PRR5L: variants seen among roughly 807,000 people sequenced by gnomAD.
PRR5L encodes the protein proline rich 5 like.
In PRR5L, 21 loss-of-function variants were observed where a neutral mutation model predicts 36.4. That is an observed-to-expected ratio of 0.58 (90% CI 0.41 to 0.83). PRR5L has a LOEUF of 0.83. PRR5L is among the 40% of genes least tolerant of loss of function. The pLI is 0.00. For synonymous variants in PRR5L, 188 were observed against 197.0 expected (o/e 0.95, Z 0.38); for missense variants, 381 against 473.3 (o/e 0.80, Z 1.81).
chr11:36,363,768 C>T (rs563434713), intron 1 of PRR5L, among the ~76,000 whole-genome samples: 33 of 152,302 alleles, frequency 2.2e-4, no homozygotes, highest in African/African-American at 6.5e-4. Flanking sequence ...ACAGCTGGGC[C>T]AGAGGAAAAT....
At chr11:36,379,176 A>G (rs1392569873) in intron 1 of PRR5L, among the ~76,000 whole-genome samples, 1 of 152,226 alleles carries the variant, frequency 6.6e-6, no homozygotes, top group Non-Finnish European at 1.5e-5. Flanking sequence ...GACTTAATGT[A>G]TCTTCAGCAT....
chr11:36,351,104 T>C (rs1856935927), intron 1 of PRR5L, among the ~76,000 whole-genome samples: 1 of 108,826 alleles, frequency 9.2e-6, no homozygotes, highest in Non-Finnish European at 1.7e-5. Context: ...TATATATAAA[T>C]ATATATTTAT....
At position 36,446,314 on chromosome 11, in the gene PRR5L, T is replaced by A. The variant is rs1249997687; in HGVS notation, c.459T>A (p.Thr153=). 1 of 1,613,832 alleles carries A rather than the reference T, an allele frequency of 6.2e-7. No homozygotes were observed. Among genetic ancestry groups the A allele is most frequent in the Non-Finnish European group, 8.5e-7 (1 of 1,180,042 alleles). The change falls in exon 7 of 9, where the codon ACT becomes ACA. Residue 153 remains threonine (T), a synonymous_variant. Coordinates refer to ENST00000530639, the MANE Select transcript of PRR5L (RefSeq NM_001160167.2). The part of the protein sequence containing the change: ...IFYPVQGQEL[T]IRQISLLGFR... ...GTCCCCTCTAGGGCCAGGAGCTGAC[T>A]ATCCGCCAGATCTCCCTGCTGGGCT...
intron 1 of PRR5L, among the ~76,000 whole-genome samples, chr11:36,343,959 G>A (rs1454963472): frequency 6.6e-6 from 1 of 151,578 alleles, no homozygotes; most frequent in African/African-American, 2.4e-5. Flanking sequence ...GCTCACGCCT[G>A]TAATTCGAGC....
At position 36,377,551 on chromosome 11, in the gene PRR5L, GA is replaced by G. The variant is rs559936811; in HGVS notation, c.-125-23445del. 1.3e-5 allele frequency: 2 copies of G among 152,682 alleles called. No homozygotes were observed. The highest frequency in any genetic ancestry group is 2.9e-5 in the Non-Finnish European group (2 of 68,338). The allele number at this position is 152,682 out of a possible 1,614,324, so 9.5% of individuals were successfully genotyped here. A position where few individuals can be genotyped will look rare whatever the true frequency, so the allele number is the denominator to read the frequency against. ...TCCTTGAGGCCGCCGCCCGGGGTGG[GA>G]CCAGGCTGTGTGCTTGCTAACTGTG... is the stretch of plus-strand genomic sequence containing the variant. On this transcript the variant is annotated intron_variant, in intron 1 of 8. Coordinates refer to ENST00000530639, the MANE Select transcript of PRR5L (RefSeq NM_001160167.2). This position sits in a 1 kb window ranked among gnomAD's most constrained non-coding sequence, Gnocchi z 5.1.
rs753256707 is a variant in PRR5L, at chr11:36,437,396, A to G, written c.364A>G (p.Ile122Val). 1.9e-6 allele frequency: 3 copies of G among 1,610,470 alleles called. No homozygotes were observed. Residue 122 changes from isoleucine to valine, a missense_variant, in exon 6 of 9, where the codon ATT becomes GTT. Physicochemically the swap from Ile to Val is conservative, Grantham distance 29. Transcript: ENST00000530639. ...KIKLCEGENR[I>V]EVLAEVWDHF... ...TCGCCCTCTTGTAGGTGAAAATCGC[A>G]TTGAGGTTCTGGCTGAAGTCTGGGA...
At chr11:36,436,762 G>C (rs1391189130) in intron 5 of PRR5L, among the ~76,000 whole-genome samples, 1 of 152,228 alleles carries the variant, frequency 6.6e-6, no homozygotes, top group Non-Finnish European at 1.5e-5. Context: ...CCTTCGAGCT[G>C]TGTGACTTTG....
intron 1 of PRR5L, among the ~76,000 whole-genome samples, chr11:36,354,426 T>C (rs967537984): frequency 3.9e-5 from 6 of 152,214 alleles, no homozygotes; most frequent in Non-Finnish European, 8.8e-5. Context: ...CATCTGGCTG[T>C]CCCTTATCAA....
intron 1 of PRR5L, among the ~76,000 whole-genome samples, chr11:36,308,501 C>G (rs181356740): frequency 1.3e-5 from 2 of 152,328 alleles, no homozygotes; most frequent in African/African-American, 4.8e-5. Context: ...CTGGGTGTCT[C>G]AGGAAAGGTC....
At chr11:36,389,172 C>T (rs1407370575) in intron 1 of PRR5L, among the ~76,000 whole-genome samples, 1 of 90,360 alleles carries the variant, frequency 1.1e-5, no homozygotes, top group Admixed American at 1.3e-4. Context: ...GAATAAAATT[C>T]TTGGAAATAC....
chr11:36,447,238 G>A (rs1003409867), intron 7 of PRR5L, among the ~76,000 whole-genome samples: 1 of 152,224 alleles, frequency 6.6e-6, no homozygotes, highest in African/African-American at 2.4e-5. Context: ...CCATTTTAGA[G>A]GTGAGGAAAA....
chr11:36,336,190 A>G (rs1856766948), intron 1 of PRR5L, among the ~76,000 whole-genome samples: 1 of 152,250 alleles, frequency 6.6e-6, no homozygotes, highest in Admixed American at 6.5e-5. Flanking sequence ...CTTAAAAAAT[A>G]GACTCTCTTT....
intron 1 of PRR5L, among the ~76,000 whole-genome samples, chr11:36,384,623 T>C (rs568590093): frequency 4.6e-5 from 7 of 151,756 alleles, no homozygotes; most frequent in Admixed American, 1.3e-4. Context: ...AAATTTCCCT[T>C]CCCTTCATCT....
chr11:36,297,578 T>G (rs1224218077), intron 1 of PRR5L: 2 of 152,158 alleles, frequency 1.3e-5, no homozygotes, highest in Non-Finnish European at 2.9e-5. Flanking sequence ...TGTCCCTAAT[T>G]TTTTTCAGCA....
intron 3 of PRR5L, among the ~76,000 whole-genome samples, chr11:36,407,199 AC>A (rs1207526857): frequency 2.0e-5 from 3 of 152,110 alleles, no homozygotes; most frequent in Non-Finnish European, 2.9e-5. Flanking sequence ...GCTGTGTATA[AC>A]CCTCTCCAGG....
intron 1 of PRR5L, among the ~76,000 whole-genome samples, chr11:36,311,061 G>A (rs1322797702): frequency 1.3e-5 from 2 of 149,324 alleles, no homozygotes; most frequent in Non-Finnish European, 3.0e-5. Flanking sequence ...GGCCTTCCAT[G>A]TGCATGAGCA....
rs1322312816 is a variant in PRR5L at position 36,299,614 on chromosome 11, G to A, written c.-126+3176G>A. The stretch of plus-strand genomic sequence containing the variant: ...ATTTTTACATCCTGCTACACAAATA[G>A]CATCTCATTTAGTTTTCATAAAGAA... On this transcript the variant is annotated intron_variant, in intron 1 of 8. Coordinates refer to ENST00000530639, the MANE Select transcript of PRR5L (RefSeq NM_001160167.2). 2.0e-5 allele frequency among the ~76,000 whole-genome samples: 3 copies of A among 152,160 alleles called. No homozygotes were observed. The East Asian group carries it at 5.8e-4, about 29-fold the overall frequency.
intron 1 of PRR5L, among the ~76,000 whole-genome samples, chr11:36,396,386 G>A (rs1459549648): frequency 1.3e-5 from 2 of 152,208 alleles, no homozygotes; most frequent in African/African-American, 2.4e-5. Flanking sequence ...AGTAAATAAG[G>A]TCATGAGTTA....
chr11:36,337,271 A>AT (rs1856777629), intron 1 of PRR5L, among the ~76,000 whole-genome samples: 1 of 152,088 alleles, frequency 6.6e-6, no homozygotes, highest in Non-Finnish European at 1.5e-5. Flanking sequence ...CCTGAATGGG[A>AT]TTAGTGCTCC....
Sources: allele counts gnomAD v4.1 joint callset (sites outside exome capture counted in the v4.1 genomes callset), GRCh38; gene constraint gnomAD v4.1.1; non-coding constraint Gnocchi (gnomAD v3.1); transcripts MANE v1.5; gene names NCBI Gene and HGNC (gene_info 2026-07-23, HGNC 2026-07-21).